Variants in MAPK14 observed in about 807,000 individuals in gnomAD.
The protein encoded by MAPK14 is CSAID-binding protein.
A neutral mutation model predicts 49.6 loss-of-function variants in MAPK14; 16 were observed. The ratio of observed to expected loss-of-function variants is 0.32; its 90% CI spans 0.22 to 0.49. MAPK14 has a LOEUF of 0.49. MAPK14 is among the 20% of genes least tolerant of loss of function. MAPK14 has a pLI of 0.99. For missense variants in MAPK14, 200 were observed against 441.2 expected (o/e 0.45, Z 4.90); for synonymous variants, 142 against 158.0 (o/e 0.90, Z 0.76).
chr6:36,094,053 C>T (rs1241441828), intron 8 of MAPK14, among the ~76,000 whole-genome samples: 1 of 152,172 alleles, frequency 6.6e-6, no homozygotes, highest in Non-Finnish European at 1.5e-5. Flanking sequence ...TAGAGCAAGA[C>T]AGTATCCATC....
chr6:36,112,980 T>A (rs1249233595), downstream of MAPK14, among the ~76,000 whole-genome samples: 1 of 152,214 alleles, frequency 6.6e-6, no homozygotes, highest in Non-Finnish European at 1.5e-5. Flanking sequence ...AAATAGCTCA[T>A]TAGTGAATGT....
the MAPK14 span, among the ~76,000 whole-genome samples, chr6:36,120,536 C>A: frequency 6.6e-6 from 1 of 152,172 alleles, no homozygotes; most frequent in Non-Finnish European, 1.5e-5. Flanking sequence ...CACCCCCCAC[C>A]ATGATGCTGG....
At chr6:36,117,237 C>G in the MAPK14 span, among the ~76,000 whole-genome samples, 1 of 152,216 alleles carries the variant, frequency 6.6e-6, no homozygotes, top group Non-Finnish European at 1.5e-5. Context: ...CCTTTTCCCT[C>G]TTTCAGCCAA....
At chr6:36,084,973 G>A (rs1764921442) in intron 8 of MAPK14, among the ~76,000 whole-genome samples, 1 of 152,130 alleles carries the variant, frequency 6.6e-6, no homozygotes, top group Admixed American at 6.6e-5. Flanking sequence ...GCTAAGAGTG[G>A]ACCTCAGCAA....
downstream of MAPK14, among the ~76,000 whole-genome samples, chr6:36,113,484 G>C (rs1766011053): frequency 6.6e-6 from 1 of 151,844 alleles, no homozygotes; most frequent in South Asian, 2.1e-4. Context: ...ATGGTCATCT[G>C]TGCAGTGGAA....
In MAPK14 at chr6:36,109,746, A is replaced by G. The variant is rs965595403; in HGVS notation, c.*1299A>G. ...AAACAAGTTATTCTCTTCACTCCCA[A>G]TAACTAATGCTAAGAAATGCTGAAA... On this transcript the variant is annotated 3_prime_UTR_variant, in exon 12 of 12. Coordinates refer to ENST00000229794, the MANE Select transcript of MAPK14 (RefSeq NM_139012.3). 6.6e-6 allele frequency: 1 copy of G among 152,634 alleles called. No individual in the cohort carries two copies. Among genetic ancestry groups the G allele is most frequent in the Non-Finnish European group, 1.5e-5 (1 of 68,036 alleles). 9.5% of individuals were successfully genotyped at this position (152,634 alleles called of 1,614,324 possible).
chr6:36,121,688 T>C, the MAPK14 span, among the ~76,000 whole-genome samples: 2 of 152,238 alleles, frequency 1.3e-5, no homozygotes, highest in Non-Finnish European at 2.9e-5. Context: ...AGACAGGGTC[T>C]TGCAATGTTC....
At chr6:36,115,939 A>AT (rs1766053206), downstream of MAPK14, among the ~76,000 whole-genome samples, 1 of 151,418 alleles carries the variant, frequency 6.6e-6, no homozygotes, top group African/African-American at 2.4e-5. Flanking sequence ...AAAAAAAAAA[A>AT]AAAAATGAAA....
intron 8 of MAPK14, among the ~76,000 whole-genome samples, chr6:36,079,647 T>C (rs1298637793): frequency 6.6e-6 from 1 of 152,314 alleles, no homozygotes; most frequent in Non-Finnish European, 1.5e-5. Context: ...GAGTGTCCAG[T>C]TTTCTCCCTG....
At chr6:36,117,937 A>G in the MAPK14 span, among the ~76,000 whole-genome samples, 4 of 152,250 alleles carry the variant, frequency 2.6e-5, no homozygotes, top group African/African-American at 9.6e-5. Flanking sequence ...TTTTACAATC[A>G]ATAGTCTTTA....
At chr6:36,049,357 T>G (rs1763308375) in intron 1 of MAPK14, among the ~76,000 whole-genome samples, 1 of 152,192 alleles carries the variant, frequency 6.6e-6, no homozygotes, top group East Asian at 1.9e-4. Flanking sequence ...TCTGCAGAGA[T>G]CCTGCATTTT....
intron 7 of MAPK14, 33 bp from the exon 8 acceptor site, chr6:36,076,504 G>A (rs745678445): frequency 2.7e-6 from 4 of 1,484,916 alleles, no homozygotes; most frequent in Non-Finnish European, 3.8e-6. Context: ...CAGTGACATT[G>A]CATATACTTT....
chr6:36,062,019 C>T (rs1276589554), intron 3 of MAPK14, among the ~76,000 whole-genome samples: 1 of 152,088 alleles, frequency 6.6e-6, no homozygotes, highest in Non-Finnish European at 1.5e-5. Flanking sequence ...CTGTTGTCAC[C>T]CAGGTTGGAG....
downstream of MAPK14, among the ~76,000 whole-genome samples, chr6:36,115,248 C>T (rs1034660897): frequency 7.2e-5 from 11 of 152,246 alleles, no homozygotes; most frequent in East Asian, 3.9e-4. Context: ...GAAACTGCCA[C>T]CACCATTTGA....
At chr6:36,079,784 T>C (rs1421370656) in intron 8 of MAPK14, among the ~76,000 whole-genome samples, 3 of 152,212 alleles carry the variant, frequency 2.0e-5, no homozygotes, top group African/African-American at 7.2e-5. Flanking sequence ...GTGGTGGTTA[T>C]AGGCACCAGC....
chr6:36,043,089 A>G (rs571461414), intron 1 of MAPK14, among the ~76,000 whole-genome samples: 2 of 151,782 alleles, frequency 1.3e-5, no homozygotes, highest in African/African-American at 2.4e-5. Flanking sequence ...ATGCCACCAC[A>G]CTCTAGCCTG....
intron 3 of MAPK14, among the ~76,000 whole-genome samples, chr6:36,072,431 G>A (rs980271102): frequency 2.0e-5 from 3 of 152,072 alleles, no homozygotes; most frequent in African/African-American, 4.8e-5. Context: ...TGTCATCGTG[G>A]TACAGCTACC....
At chr6:36,033,233 T>A (rs978235485) in intron 1 of MAPK14, among the ~76,000 whole-genome samples, 3 of 152,210 alleles carry the variant, frequency 2.0e-5, no homozygotes, top group Admixed American at 6.5e-5. Flanking sequence ...CAAGCATTTG[T>A]ATTATTGATG....
chr6:36,095,496 C>T (rs956178458), intron 8 of MAPK14, among the ~76,000 whole-genome samples: 3 of 152,116 alleles, frequency 2.0e-5, no homozygotes, highest in African/African-American at 4.8e-5. Context: ...CTTTAGGTCA[C>T]GCTTGGGAGA....
Sources: gnomAD v4.1 joint callset for allele counts (sites outside exome capture counted in the v4.1 genomes callset) on GRCh38, gnomAD v4.1.1 for gene constraint, MANE v1.5 for transcripts, NCBI Gene and HGNC (gene_info 2026-07-23, HGNC 2026-07-21) for gene names.